The following MYO7A variants were observed in gnomAD, a reference collection of about 807,000 sequenced individuals.
MYO7A encodes the protein myosin VIIA, also known as unconventional myosin-VIIa.
Under a neutral mutation model 263.8 loss-of-function variants are expected in MYO7A, and 210 were observed. That is an observed-to-expected ratio of 0.80 (90% CI 0.71 to 0.89). The LOEUF (loss-of-function observed/expected upper bound fraction) is 0.89. Ranked by LOEUF, MYO7A falls within the 40% of genes least tolerant of loss-of-function variation. MYO7A has a pLI of 0.00. For missense variants in MYO7A, 2,820 were observed against 2,968.3 expected (o/e 0.95, Z 1.16); for synonymous variants, 1,239 against 1,197.3 (o/e 1.03, Z -0.72).
chr11:77,179,208 G>A (rs1407731019), intron 20 of MYO7A, 79 bp downstream of exon 20: 9 of 1,296,130 alleles, frequency 6.9e-6, no homozygotes, highest in Non-Finnish European at 9.7e-6. Flanking sequence ...GGACTGGCCT[G>A]CACCCAGGCA....
chr11:77,194,600 C>T (rs1442207500), intron 32 of MYO7A, 76 bp downstream of exon 32: 7 of 1,455,046 alleles, frequency 4.8e-6, no homozygotes, highest in African/African-American at 1.4e-5. Context: ...CTCATCTGAA[C>T]CTCTCTGTTG....
intron 14 of MYO7A, 120 bp from the exon 15 acceptor site, chr11:77,165,936 G>A (rs1192581332): frequency 2.4e-5 from 17 of 698,336 alleles, no homozygotes; most frequent in African/African-American, 3.6e-5. Context: ...CAGGGCCCCC[G>A]TCATGAAATG....
intron 44 of MYO7A, among the ~76,000 whole-genome samples, chr11:77,209,580 G>C (rs533890284): frequency 7.4e-6 from 1 of 134,800 alleles, no homozygotes; most frequent in East Asian, 2.6e-4. Flanking sequence ...TGGACTACCA[G>C]TTCCCCCAGA....
chr11:77,159,394 GCCCCTGTTGCCCACCCTCCCT>G, intron 9 of MYO7A, 32 bp from the exon 10 acceptor site: 1 of 1,404,288 alleles, frequency 7.1e-7, no homozygotes, highest in Non-Finnish European at 1.0e-6. Context: ...CTGTCCCCTT[GCCCCTGTTGCCCACCCTCCCT>G]CCCCTGATGC....
chr11:77,190,879 G>A lies in MYO7A; in HGVS notation c.3924+9G>A, dbSNP rs1014328635. The A allele has an allele frequency of 7.1e-6, 11 of 1,547,958 alleles. No homozygotes were observed. Among genetic ancestry groups the A allele is most frequent in the Middle Eastern group, 1.7e-4 (1 of 5,922 alleles). ...TTGCCCTGTTTGACAAGGTATGGCC[G>A]CCCGGAAGCACCTCCTCCCGGAAGC... On this transcript the variant is annotated intron_variant, in intron 30 of 48. Transcript: ENST00000409709.
Position 77,160,171 on chromosome 11 carries a change from C to T in MYO7A, c.1089C>T (p.Pro363=), listed in dbSNP as rs1281278867. Reference sequence around the variant, plus strand: ...GGTGTTGCCTGTACCAGGTGAACCCCCCAGACCTGATGAGCTGCCTGACTA... The same window carrying T: ...GGTGTTGCCTGTACCAGGTGAACCCTCCAGACCTGATGAGCTGCCTGACTA... ...ATAASLLEVN[P]PDLMSCLTSR... The change falls in exon 11 of 49, where the codon CCC becomes CCT. Residue 363 remains proline (P), a synonymous_variant. Transcript: ENST00000409709. The T allele has an allele frequency of 6.4e-7, 1 of 1,561,282 alleles. No homozygotes were observed. The highest frequency in any genetic ancestry group is 8.7e-7 in the Non-Finnish European group (1 of 1,153,504).
chr11:77,202,971 T>TGGGTGG, intron 37 of MYO7A, 89 bp from the exon 38 acceptor site: 1 of 1,323,086 alleles, frequency 7.6e-7, no homozygotes, highest in Non-Finnish European at 9.7e-7. Flanking sequence ...GACACAGGGA[T>TGGGTGG]GGGTGGGGGT....
Position 77,157,399 on chromosome 11 carries a change from C to G in MYO7A, c.849+7C>G, listed in dbSNP as rs370740228. On this transcript the variant is annotated splice_region_variant and intron_variant, in intron 8 of 48. Transcript: ENST00000409709. ...CTACAACTACTTGGCCATGGTGAGG[C>G]CCAGGTGGGCCCCTGGGTAGGGGGG... The G allele has an allele frequency of 1.1e-4, 170 of 1,589,612 alleles. 1 individual carries two copies. The highest frequency in any genetic ancestry group is 8.5e-4 in the Middle Eastern group (5 of 5,870).
Position 77,190,890 on chromosome 11 carries a change from C to T in MYO7A, c.3924+20C>T. 6.5e-7 allele frequency: 1 copy of T among 1,528,894 alleles called. No homozygotes were observed. Among genetic ancestry groups the T allele is most frequent in the Admixed American group, 2.0e-5 (1 of 49,528 alleles). The allele number at this position is 1,528,894 out of a possible 1,614,324, so 94.7% of individuals were successfully genotyped here. ...GACAAGGTATGGCCGCCCGGAAGCA[C>T]CTCCTCCCGGAAGCACCTCCTCCCG... On this transcript the variant is annotated intron_variant, in intron 30 of 48. Transcript: ENST00000409709.
At chr11:77,162,092 C>T in intron 12 of MYO7A, 28 bp from the exon 13 acceptor site, 1 of 1,570,180 alleles carries the variant, frequency 6.4e-7, no homozygotes, top group Non-Finnish European at 8.6e-7. Flanking sequence ...CTGAACAACA[C>T]CCTTACCCCA....
rs1203075375 is a variant in MYO7A, at chr11:77,140,975, A to G, written c.19-1734A>G. Among the ~76,000 whole-genome samples, 3 of 152,186 alleles carry G rather than the reference A, an allele frequency of 2.0e-5. No homozygotes were observed. The South Asian group carries it at 6.2e-4, about 31-fold the overall frequency. On this transcript the variant is annotated intron_variant, in intron 2 of 48. Coordinates refer to ENST00000409709, the MANE Select transcript of MYO7A (RefSeq NM_000260.4). ...AGTGGTCCCATAAGACTATAATGCC[A>G]TATTTTACTGTACCTTTTATGTGTA...
At chr11:77,180,250 T>C (rs1478696712) in intron 21 of MYO7A, 124 bp from the exon 22 acceptor site, 8 of 365,562 alleles carry the variant, frequency 2.2e-5, no homozygotes, top group Non-Finnish European at 3.6e-5. Context: ...CTTGATTACC[T>C]CACTTGTCCT....
At chr11:77,184,809 G>T in intron 27 of MYO7A, 94 bp downstream of exon 27, 1 of 1,552,452 alleles carries the variant, frequency 6.4e-7, no homozygotes. Flanking sequence ...AGCCAAGCAG[G>T]CCTGGGTTTG....
Position 77,198,596 on chromosome 11 carries a change from GAGAT to G in MYO7A, c.4544_4547del (p.Glu1515AlafsTer33), listed in dbSNP as rs770587090. The G allele has an allele frequency of 1.2e-6, 2 of 1,613,820 alleles. No individual in the cohort carries two copies. Among genetic ancestry groups the G allele is most frequent in the African/African-American group, 1.3e-5 (1 of 74,930 alleles). On this transcript the variant is annotated frameshift_variant, in exon 34 of 49. Coordinates refer to ENST00000409709, the MANE Select transcript of MYO7A (RefSeq NM_000260.4). LOFTEE classifies it high-confidence loss of function. ...GGTACTTCTGGAGCTGTCCTTCCCA[GAGAT>G]CATGGCCGTGTCCAGCAGCAGGTGA...
chr11:77,146,434 G>A (rs545378492), intron 3 of MYO7A, among the ~76,000 whole-genome samples: 4 of 152,180 alleles, frequency 2.6e-5, no homozygotes, highest in East Asian at 1.9e-4. Context: ...GCAAGAGGCC[G>A]GGGCCGGGCC....
At chr11:77,152,785 T>C (rs1317558964) in intron 4 of MYO7A, among the ~76,000 whole-genome samples, 1 of 151,864 alleles carries the variant, frequency 6.6e-6, no homozygotes, top group Non-Finnish European at 1.5e-5. Context: ...GTGGGTATGA[T>C]GATTGTACAG....
chr11:77,145,303 T>C (rs1234526487), intron 3 of MYO7A, among the ~76,000 whole-genome samples: 1 of 152,124 alleles, frequency 6.6e-6, no homozygotes, highest in Non-Finnish European at 1.5e-5. Flanking sequence ...GATGTCGTGA[T>C]CACATCCATC....
chr11:77,142,560 AG>A, intron 2 of MYO7A, 148 bp from the exon 3 acceptor site: 1 of 720,152 alleles, frequency 1.4e-6, no homozygotes, highest in Admixed American at 2.0e-5. Flanking sequence ...CTGCTCCAGA[AG>A]GTTGCTAGTA....
In MYO7A at chr11:77,156,560, C is replaced by T. The variant is rs988624454; in HGVS notation, c.471-100C>T. On this transcript the variant is annotated intron_variant, in intron 5 of 48. Transcript: ENST00000409709. ...GGGTCCGTATTGTCAGCTGATATTA[C>T]AGATGGGGGAGCTGGTGGATGGTGC... 5 of 1,537,940 alleles carry T rather than the reference C, an allele frequency of 3.3e-6. No homozygotes were observed. The South Asian group carries it at 3.5e-5, about 11-fold the overall frequency.
Sources: allele counts gnomAD v4.1 joint callset (sites outside exome capture counted in the v4.1 genomes callset), GRCh38; gene constraint gnomAD v4.1.1; transcripts MANE v1.5; gene names NCBI Gene and HGNC (gene_info 2026-07-23, HGNC 2026-07-21).